Variants in NCKAP1 observed in about 807,000 individuals in gnomAD.
NCKAP1 encodes the protein NCK associated protein 1, also known as nck-associated protein 1.
Under a neutral mutation model 151.2 loss-of-function variants are expected in NCKAP1, and 21 were observed. That is an observed-to-expected ratio of 0.14 (90% CI 0.10 to 0.20). The LOEUF (loss-of-function observed/expected upper bound fraction) is 0.20. Among genes scored for constraint, NCKAP1 ranks in the 10% least tolerant of loss-of-function variants. The pLI is 1.00. For synonymous variants in NCKAP1, 484 were observed against 451.8 expected (o/e 1.07, Z -0.90); for missense variants, 933 against 1,352.1 (o/e 0.69, Z 4.86).
intron 7 of NCKAP1, 144 bp downstream of exon 7, chr2:182,995,555 AAT>A: frequency 4.4e-6 from 3 of 679,106 alleles, no homozygotes; most frequent in East Asian, 2.8e-5. Context: ...AAATCTGAAC[AAT>A]ATGACTTAAG....
chr2:182,991,446 C>T (rs1397313687), intron 8 of NCKAP1, among the ~76,000 whole-genome samples: 1 of 152,056 alleles, frequency 6.6e-6, no homozygotes, highest in Non-Finnish European at 1.5e-5. Context: ...ATAATCCCAA[C>T]TATATGGGAG....
chr2:182,950,744 T>G (rs1237303215), intron 23 of NCKAP1, among the ~76,000 whole-genome samples: 2 of 152,162 alleles, frequency 1.3e-5, no homozygotes, highest in Non-Finnish European at 2.9e-5. Flanking sequence ...CTCATAAAAT[T>G]CTCTCAAAGT....
At chr2:183,028,141 T>C (rs988504994) in intron 1 of NCKAP1, among the ~76,000 whole-genome samples, 1 of 151,844 alleles carries the variant, frequency 6.6e-6, no homozygotes, top group African/African-American at 2.4e-5. Context: ...GAAAGGTGAA[T>C]ACAGTGTAAA....
intron 23 of NCKAP1, among the ~76,000 whole-genome samples, chr2:182,947,672 G>A (rs950138990): frequency 2.6e-5 from 4 of 151,956 alleles, no homozygotes; most frequent in Admixed American, 2.6e-4. Flanking sequence ...TACCAATACT[G>A]GAAGCAAAAA....
intron 12 of NCKAP1, among the ~76,000 whole-genome samples, chr2:182,982,203 A>G (rs999423268): frequency 1.3e-5 from 2 of 152,194 alleles, no homozygotes; most frequent in Non-Finnish European, 2.9e-5. Flanking sequence ...CATAGCAAGA[A>G]AACAAAAACT....
In NCKAP1 at chr2:182,921,852, T is replaced by C. The variant is rs1696554766; in HGVS notation, c.*3850A>G. 6.6e-6 allele frequency: 1 copy of C among 152,148 alleles called. No homozygotes were observed. 9.4% of individuals were successfully genotyped at this position (152,148 alleles called of 1,614,324 possible). On this transcript the variant is annotated 3_prime_UTR_variant, in exon 31 of 31. Transcript: ENST00000361354. Reference sequence around the variant, plus strand: ...TTAAAGTTACTTCTCACTCTGAAAATAATACCAAAGTAGAGTCAATAAATA... The same window carrying C: ...TTAAAGTTACTTCTCACTCTGAAAACAATACCAAAGTAGAGTCAATAAATA...
chr2:183,037,816 C>T (rs2105905325), intron 1 of NCKAP1, among the ~76,000 whole-genome samples, 176 bp downstream of exon 1: 1 of 152,084 alleles, frequency 6.6e-6, no homozygotes, highest in Admixed American at 6.5e-5. Context: ...GGAGAGGCGC[C>T]CGGGACTCCG....
chr2:183,007,465 A>G (rs552081919), intron 2 of NCKAP1, among the ~76,000 whole-genome samples: 4 of 152,282 alleles, frequency 2.6e-5, no homozygotes, highest in South Asian at 2.1e-4. Flanking sequence ...TCTAAATCCT[A>G]AAGTATTTCA....
At chr2:183,019,387 A>C (rs376987443) in intron 2 of NCKAP1, among the ~76,000 whole-genome samples, 8 of 152,310 alleles carry the variant, frequency 5.3e-5, no homozygotes, top group African/African-American at 1.7e-4. Context: ...AAAAATTAGA[A>C]AAGTTTTAAC....
chr2:182,960,255 A>G (rs1163390099), intron 18 of NCKAP1, among the ~76,000 whole-genome samples: 1 of 152,212 alleles, frequency 6.6e-6, no homozygotes, highest in African/African-American at 2.4e-5. Flanking sequence ...TGGAACCAAA[A>G]AAGAGCCCGC....
At chr2:182,986,577 T>C (rs1260683858) in intron 9 of NCKAP1, among the ~76,000 whole-genome samples, 1 of 152,190 alleles carries the variant, frequency 6.6e-6, no homozygotes, top group Admixed American at 6.5e-5. Context: ...AAGTCTAAAG[T>C]ACTGACAAAG....
chr2:182,953,066 T>C, intron 21 of NCKAP1, 47 bp downstream of exon 21: 2 of 1,535,748 alleles, frequency 1.3e-6, no homozygotes, highest in Non-Finnish European at 1.8e-6. Context: ...CCTAAGTACT[T>C]CATTACAAAT....
Position 182,919,348 on chromosome 2 carries a change from CT to C in NCKAP1, c.*6353del, listed in dbSNP as rs1330323436. 1 of 152,176 alleles carries C rather than the reference CT, an allele frequency of 6.6e-6. No homozygotes were observed. Among genetic ancestry groups the C allele is most frequent in the Non-Finnish European group, 1.5e-5 (1 of 68,044 alleles). The allele number at this position is 152,176 out of a possible 1,614,324, so 9.4% of individuals were successfully genotyped here. On this transcript the variant is annotated 3_prime_UTR_variant, in exon 31 of 31. Coordinates refer to ENST00000361354, the MANE Select transcript of NCKAP1 (RefSeq NM_013436.5). The stretch of plus-strand genomic sequence containing the variant: ...AACCTGTAAAGTTGTGTACTACCTG[CT>C]CCTCAGCTTCAGCTTCAACCTTTGC...
chr2:183,033,594 G>T (rs888949175), intron 1 of NCKAP1, among the ~76,000 whole-genome samples: 9 of 152,120 alleles, frequency 5.9e-5, no homozygotes, highest in Non-Finnish European at 1.3e-4. Context: ...TTCAATAAAC[G>T]AAGAGTAAAT....
At chr2:182,944,739 G>C in intron 23 of NCKAP1, among the ~76,000 whole-genome samples, 1 of 152,070 alleles carries the variant, frequency 6.6e-6, no homozygotes, top group East Asian at 1.9e-4. Flanking sequence ...AAGATAAAAA[G>C]AAAAAGATTG....
chr2:182,934,718 G>T, intron 26 of NCKAP1, 34 bp downstream of exon 26: 1 of 1,056,654 alleles, frequency 9.5e-7, no homozygotes, highest in Non-Finnish European at 1.4e-6. Flanking sequence ...TCGCTTTAGA[G>T]ACTGTAAACC....
At chr2:182,996,987 T>C (rs529438279) in intron 6 of NCKAP1, among the ~76,000 whole-genome samples, 66 of 152,284 alleles carry the variant, frequency 4.3e-4, no homozygotes, top group African/African-American at 1.6e-3. Context: ...GAGGTTGTTA[T>C]GTTATGGGAA....
chr2:182,942,540 A>G (rs1697018008), intron 23 of NCKAP1, among the ~76,000 whole-genome samples: 1 of 152,134 alleles, frequency 6.6e-6, no homozygotes, highest in African/African-American at 2.4e-5. Context: ...AAACCTGGCC[A>G]AAGGCAGGCT....
At chr2:183,031,983 G>A (rs1217912346) in intron 1 of NCKAP1, among the ~76,000 whole-genome samples, 1 of 152,010 alleles carries the variant, frequency 6.6e-6, no homozygotes, top group Admixed American at 6.5e-5. Context: ...ATAATTAGCA[G>A]GAAAAGAAAT....
Sources: allele counts gnomAD v4.1 joint callset (sites outside exome capture counted in the v4.1 genomes callset), GRCh38; gene constraint gnomAD v4.1.1; transcripts MANE v1.5; gene names NCBI Gene and HGNC (gene_info 2026-07-23, HGNC 2026-07-21).